MPPED2: variants seen among roughly 807,000 people sequenced by gnomAD.
The protein encoded by MPPED2 is metallophosphoesterase domain containing 2.
Under a neutral mutation model 33.0 loss-of-function variants are expected in MPPED2, and 5 were observed. That is an observed-to-expected ratio of 0.15 (90% CI 0.08 to 0.32). The LOEUF is 0.32. Among genes scored for constraint, MPPED2 ranks in the 10% least tolerant of loss-of-function variants. The probability of loss-of-function intolerance (pLI) is 1.00; values close to 1 mark genes in which losing one functional copy is unlikely to be tolerated. For synonymous variants in MPPED2, 136 were observed against 141.9 expected (o/e 0.96, Z 0.29); for missense variants, 275 against 372.1 (o/e 0.74, Z 2.15).
At chr11:30,486,119 G>C (rs530135690) in intron 4 of MPPED2, among the ~76,000 whole-genome samples, 1 of 152,282 alleles carries the variant, frequency 6.6e-6, no homozygotes, top group Admixed American at 6.5e-5. Context: ...GGAGAAGGAT[G>C]AAAGTATCCA....
intron 4 of MPPED2, chr11:30,429,061 G>T (rs1260925245): frequency 6.6e-6 from 1 of 152,188 alleles, no homozygotes; most frequent in Non-Finnish European, 1.5e-5. Context: ...CGAATAAAAA[G>T]AAGACGTTCA....
At chr11:30,525,937 T>C (rs911525887) in intron 3 of MPPED2, among the ~76,000 whole-genome samples, 28 of 152,318 alleles carry the variant, frequency 1.8e-4, no homozygotes, top group African/African-American at 6.3e-4. Flanking sequence ...AATGATCCTT[T>C]CTAATGGAAC....
At chr11:30,447,431 T>G (rs866946969) in intron 4 of MPPED2, among the ~76,000 whole-genome samples, 1 of 152,200 alleles carries the variant, frequency 6.6e-6, no homozygotes, top group Admixed American at 6.5e-5. Flanking sequence ...TTAATAGGAC[T>G]TTTATTTCAC....
intron 4 of MPPED2, among the ~76,000 whole-genome samples, chr11:30,440,716 G>T (rs745551838): frequency 2.6e-5 from 4 of 152,148 alleles, no homozygotes; most frequent in African/African-American, 9.7e-5. Context: ...CTGCTGACAC[G>T]TTCATTTCAC....
intron 4 of MPPED2, among the ~76,000 whole-genome samples, chr11:30,443,290 C>T (rs1053927674): frequency 6.6e-6 from 1 of 152,156 alleles, no homozygotes; most frequent in Non-Finnish European, 1.5e-5. Context: ...GGACAGAATT[C>T]TTTAAGTGTC....
intron 6 of MPPED2, among the ~76,000 whole-genome samples, chr11:30,413,710 C>T: frequency 6.6e-6 from 1 of 152,164 alleles, no homozygotes; most frequent in East Asian, 1.9e-4. Flanking sequence ...TGTGCAGGTT[C>T]CCGCCACTTC....
At chr11:30,423,346 C>T (rs559382844) in intron 4 of MPPED2, among the ~76,000 whole-genome samples, 175 of 152,276 alleles carry the variant, frequency 1.1e-3, no homozygotes, top group African/African-American at 4.0e-3. Flanking sequence ...CCTGAGCTGG[C>T]TGCATCAAAA....
chr11:30,492,247 C>A (rs543031904), intron 4 of MPPED2, among the ~76,000 whole-genome samples: 1 of 152,254 alleles, frequency 6.6e-6, no homozygotes, highest in South Asian at 2.1e-4. Flanking sequence ...TGCCTGAGGA[C>A]CAAAATCATT....
At chr11:30,533,217 A>T (rs1380504904) in intron 3 of MPPED2, among the ~76,000 whole-genome samples, 1 of 152,190 alleles carries the variant, frequency 6.6e-6, no homozygotes, top group Non-Finnish European at 1.5e-5. Flanking sequence ...AGCTTCTTAC[A>T]TACTAAATGA....
chr11:30,469,039 A>T (rs1008275456), intron 4 of MPPED2: 6 of 152,172 alleles, frequency 3.9e-5, no homozygotes, highest in African/African-American at 1.4e-4. Context: ...TTTGATCCTT[A>T]CTCATGCTAT....
intron 4 of MPPED2, among the ~76,000 whole-genome samples, chr11:30,459,127 GTT>G (rs562453206): frequency 6.6e-6 from 1 of 151,094 alleles, no homozygotes; most frequent in Non-Finnish European, 1.5e-5. Flanking sequence ...GGGTTTCACC[GTT>G]TTTTAGCCGG....
intron 4 of MPPED2, among the ~76,000 whole-genome samples, chr11:30,439,971 C>A (rs1949492681): frequency 1.3e-5 from 2 of 152,152 alleles, no homozygotes; most frequent in East Asian, 3.9e-4. Context: ...CCTTGACATA[C>A]GTTAGATCAG....
At chr11:30,417,772 C>CT (rs1238010786) in intron 4 of MPPED2, 139 bp from the exon 5 acceptor site, 6 of 604,910 alleles carry the variant, frequency 9.9e-6, no homozygotes, top group Non-Finnish European at 1.5e-5. Flanking sequence ...CAGCAGGATG[C>CT]TTTTTTGTTG....
chr11:30,405,762 C>CT (rs374956286), downstream of MPPED2, among the ~76,000 whole-genome samples: 1 of 152,084 alleles, frequency 6.6e-6, no homozygotes, highest in East Asian at 1.9e-4. Flanking sequence ...CTGCCCCTGC[C>CT]TTTTTTTCTT....
intron 2 of MPPED2, among the ~76,000 whole-genome samples, chr11:30,566,716 T>C (rs1290613429): frequency 1.3e-5 from 2 of 152,166 alleles, no homozygotes; most frequent in African/African-American, 2.4e-5. Context: ...GTGATAGGTG[T>C]TGTGAATACA....
chr11:30,583,495 C>T (rs1347310252), intron 1 of MPPED2, among the ~76,000 whole-genome samples: 1 of 152,136 alleles, frequency 6.6e-6, no homozygotes, highest in African/African-American at 2.4e-5. Flanking sequence ...ACTGACACTG[C>T]CAAACATTCA....
intron 1 of MPPED2, among the ~76,000 whole-genome samples, chr11:30,581,528 T>A (rs1233808350): frequency 6.6e-6 from 1 of 152,206 alleles, no homozygotes; most frequent in Non-Finnish European, 1.5e-5. Flanking sequence ...ATGCTCTTAC[T>A]TTAAGTGCAC....
chr11:30,436,050 CTTTTT>C (rs71060449), intron 4 of MPPED2, among the ~76,000 whole-genome samples: 49 of 108,458 alleles, frequency 4.5e-4, no homozygotes, highest in African/African-American at 1.6e-3. Flanking sequence ...AGTTTAGCAT[CTTTTT>C]TTTTTTTTTT....
intron 6 of MPPED2, among the ~76,000 whole-genome samples, chr11:30,393,902 A>G (rs181092652): frequency 6.6e-6 from 1 of 152,306 alleles, no homozygotes; most frequent in Admixed American, 6.5e-5. Context: ...ATACAAAACA[A>G]TTTTGTCAGC....
Sources: gnomAD v4.1 joint callset for allele counts (sites outside exome capture counted in the v4.1 genomes callset) on GRCh38, gnomAD v4.1.1 for gene constraint, MANE v1.5 for transcripts, NCBI Gene and HGNC (gene_info 2026-07-23, HGNC 2026-07-21) for gene names.